Variants in NKAIN3 observed in about 807,000 individuals in gnomAD.
NKAIN3 encodes sodium/potassium transporting ATPase interacting 3.
Under a neutral mutation model 30.2 loss-of-function variants are expected in NKAIN3, and 25 were observed. That is an observed-to-expected ratio of 0.83 (90% CI 0.60 to 1.16). NKAIN3 has a LOEUF of 1.16. NKAIN3 is among the 50% of genes most tolerant of loss of function. The pLI is 0.00. For missense variants in NKAIN3, 225 were observed against 254.1 expected, an observed-to-expected ratio of 0.89 and a Z score of 0.78; for synonymous variants, 91 against 89.6, an observed-to-expected ratio of 1.02 and a Z score of -0.09.
chr8:62,338,072 T>G (rs2129590657), intron 1 of NKAIN3, among the ~76,000 whole-genome samples: 1 of 152,182 alleles, frequency 6.6e-6, no homozygotes, highest in East Asian at 1.9e-4. Context: ...ATTTATTATC[T>G]GCCAATGATG....
chr8:62,933,708 C>G (rs1436741497), intron 5 of NKAIN3, among the ~76,000 whole-genome samples: 1 of 152,118 alleles, frequency 6.6e-6, no homozygotes. Context: ...TTCCAAAGAT[C>G]TGGACTCACA....
intron 1 of NKAIN3, among the ~76,000 whole-genome samples, chr8:62,559,207 G>T (rs1809493970): frequency 6.6e-6 from 1 of 151,924 alleles, no homozygotes; most frequent in African/African-American, 2.4e-5. Context: ...TCTTTGTGCT[G>T]TAGTATACTT....
chr8:62,554,109 T>C (rs1296204533), intron 1 of NKAIN3, among the ~76,000 whole-genome samples: 2 of 152,186 alleles, frequency 1.3e-5, no homozygotes, highest in East Asian at 1.9e-4. Flanking sequence ...TGTAATTCCA[T>C]AGAGGGACAT....
intron 3 of NKAIN3, among the ~76,000 whole-genome samples, chr8:62,677,255 T>G (rs1813506875): frequency 6.6e-6 from 1 of 152,142 alleles, no homozygotes; most frequent in African/African-American, 2.4e-5. Context: ...AAACAACAAT[T>G]ACTTTTGTAC....
intron 4 of NKAIN3, among the ~76,000 whole-genome samples, chr8:62,892,245 A>G (rs1821317624): frequency 6.6e-6 from 1 of 152,254 alleles, no homozygotes. Flanking sequence ...AAGGAAAGGA[A>G]GGAGCATTGT....
At chr8:62,863,875 A>C in intron 4 of NKAIN3, 1 of 1,496,812 alleles carries the variant, frequency 6.7e-7, no homozygotes, top group Non-Finnish European at 9.3e-7. Flanking sequence ...AGTAGTCCGC[A>C]GGGTCCTCTT....
At chr8:62,791,844 AT>A (rs1817709020) in intron 4 of NKAIN3, among the ~76,000 whole-genome samples, 1 of 151,900 alleles carries the variant, frequency 6.6e-6, no homozygotes, top group Admixed American at 6.6e-5. Context: ...TATTGAATAT[AT>A]TTTTTGTTTG....
At chr8:62,361,304 G>A (rs182051649) in intron 1 of NKAIN3, among the ~76,000 whole-genome samples, 2 of 152,320 alleles carry the variant, frequency 1.3e-5, no homozygotes, top group East Asian at 3.9e-4. Context: ...TGGATGATTT[G>A]TTTTGCTTTG....
rs573649353 is a variant in NKAIN3 at position 62,722,440 on chromosome 8, C to T, written c.274-24492C>T. Among the ~76,000 whole-genome samples, 640 of 152,218 alleles carry T rather than the reference C, an allele frequency of 4.2e-3. 6 individuals carry two copies. The highest frequency in any genetic ancestry group is 0.015 in the African/African-American group (616 of 41,544). ...TAACCCTCATTATCATTCCTCCCAA[C>T]AAATTAAATAGGAATACTACAAAAT... is the stretch of plus-strand genomic sequence containing the variant. On this transcript the variant is annotated intron_variant, in intron 3 of 6. Transcript: ENST00000623646.
chr8:62,394,398 G>A (rs1298395708), intron 1 of NKAIN3, among the ~76,000 whole-genome samples: 1 of 151,500 alleles, frequency 6.6e-6, no homozygotes, highest in Non-Finnish European at 1.5e-5. Context: ...ACCTTCGGAT[G>A]TTAAACCAAC....
Position 62,939,438 on chromosome 8 carries a change from T to G in NKAIN3, c.533-14464T>G, listed in dbSNP as rs187032552. Among the ~76,000 whole-genome samples, 200 of 152,272 alleles carry G rather than the reference T, an allele frequency of 1.3e-3. 1 individual carries two copies. Among genetic ancestry groups the G allele is most frequent in the African/African-American group, 4.7e-3 (195 of 41,570 alleles). ...AATTCACTGCAGAAAGATAATTGCC[T>G]AGGCACATAGTCATCACGTTATCTA... is the stretch of plus-strand genomic sequence containing the variant. On this transcript the variant is annotated intron_variant, in intron 5 of 6. Coordinates refer to ENST00000623646, the MANE Select transcript of NKAIN3 (RefSeq NM_001304533.3).
rs1352798206 is a variant in NKAIN3, at chr8:62,880,235, G to A, written c.472-38218G>A. Among the ~76,000 whole-genome samples, 5 of 152,262 alleles carry A rather than the reference G, an allele frequency of 3.3e-5. No individual in the cohort carries two copies. The East Asian group carries it at 9.7e-4, about 29-fold the overall frequency. On this transcript the variant is annotated intron_variant, in intron 4 of 6. Coordinates refer to ENST00000623646, the MANE Select transcript of NKAIN3 (RefSeq NM_001304533.3). ...GCCAAGGAAACACATGTAATAAGTG[G>A]TAACACTGGGATATGGCTCCAAGCT...
intron 1 of NKAIN3, among the ~76,000 whole-genome samples, chr8:62,266,041 C>T (rs1444184523): frequency 6.6e-6 from 1 of 152,166 alleles, no homozygotes; most frequent in Non-Finnish European, 1.5e-5. Context: ...CACCCTCCTT[C>T]TCTCCTTACT....
chr8:62,761,212 G>A (rs942397700), intron 4 of NKAIN3, among the ~76,000 whole-genome samples: 1 of 152,170 alleles, frequency 6.6e-6, no homozygotes, highest in African/African-American at 2.4e-5. Context: ...ATTGTAGAGA[G>A]TCAAAAGTCA....
At chr8:62,497,111 C>T (rs552997791) in intron 1 of NKAIN3, among the ~76,000 whole-genome samples, 4 of 152,030 alleles carry the variant, frequency 2.6e-5, no homozygotes, top group African/African-American at 7.2e-5. Context: ...CTGGAAAAGA[C>T]GTTGTTTCTT....
intron 3 of NKAIN3, among the ~76,000 whole-genome samples, chr8:62,594,777 T>TTTCCTTCCTTCC (rs747649909): frequency 6.6e-6 from 1 of 151,778 alleles, no homozygotes; most frequent in Non-Finnish European, 1.5e-5. Flanking sequence ...CTTTCTTTCT[T>TTTCCTTCCTTCC]TTCCTTCCTT....
chr8:62,820,683 G>T (rs1480184237), intron 4 of NKAIN3, among the ~76,000 whole-genome samples: 1 of 152,130 alleles, frequency 6.6e-6, no homozygotes, highest in Non-Finnish European at 1.5e-5. Context: ...TAGGCTGAAA[G>T]AGTAATGGGC....
At chr8:62,345,374 CATATATGTATATAT>C (rs1563942335) in intron 1 of NKAIN3, among the ~76,000 whole-genome samples, 5 of 20,366 alleles carry the variant, frequency 2.5e-4, no homozygotes, top group African/African-American at 3.3e-4. Flanking sequence ...TATATATACA[CATATATGTATATAT>C]ACACACATAT....
chr8:62,777,713 T>C (rs1817233000), intron 4 of NKAIN3, among the ~76,000 whole-genome samples: 1 of 152,148 alleles, frequency 6.6e-6, no homozygotes, highest in South Asian at 2.1e-4. Flanking sequence ...ATTTAGTCTG[T>C]TTGGTAAGGT....
Sources: gnomAD v4.1 joint callset for allele counts (sites outside exome capture counted in the v4.1 genomes callset) on GRCh38, gnomAD v4.1.1 for gene constraint, MANE v1.5 for transcripts, NCBI Gene and HGNC (gene_info 2026-07-23, HGNC 2026-07-21) for gene names.